The following RFTN1 variants were observed in gnomAD, a reference collection of about 807,000 sequenced individuals.
RFTN1 encodes the protein raftlin.
Under a neutral mutation model 46.5 loss-of-function variants are expected in RFTN1, and 26 were observed. The observed-to-expected ratio is 0.56, with a 90% CI of 0.41 to 0.78. The LOEUF (loss-of-function observed/expected upper bound fraction) is 0.78, where lower values mean the gene tolerates loss of function less well. Ranked by LOEUF, RFTN1 falls within the 30% of genes least tolerant of loss-of-function variation. The pLI is 0.00. For synonymous variants in RFTN1, 261 were observed against 284.2 expected, an observed-to-expected ratio of 0.92 and a Z score of 0.82; for missense variants, 693 against 718.7, an observed-to-expected ratio of 0.96 and a Z score of 0.41.
rs140665714 is a variant in RFTN1, at chr3:16,496,757, C to A, written c.-8-2880G>T. ...ACCAACAGAAATGTGTACATATGGGCATCGAAAGACACGTATGAGAAAGCT... is the reference window on the plus strand; with the variant it reads ...ACCAACAGAAATGTGTACATATGGGAATCGAAAGACACGTATGAGAAAGCT... On this transcript the variant is annotated intron_variant, in intron 1 of 9. Transcript: ENST00000334133. Among the ~76,000 whole-genome samples the A allele has an allele frequency of 6.3e-4, 96 of 152,236 alleles. No homozygotes were observed. In the East Asian group the frequency reaches 0.017, roughly 27 times the overall value.
intron 4 of RFTN1, among the ~76,000 whole-genome samples, chr3:16,379,709 CAA>C (rs761408967): frequency 4.6e-5 from 7 of 151,942 alleles, no homozygotes; most frequent in Non-Finnish European, 7.4e-5. Flanking sequence ...TTAAAAAAAA[CAA>C]AAGACAAAAA....
chr3:16,473,195 C>T lies in RFTN1; in HGVS notation c.145+20530G>A, dbSNP rs987379004. 3.9e-5 allele frequency among the ~76,000 whole-genome samples: 6 copies of T among 152,176 alleles called. No individual in the cohort carries two copies. The highest frequency in any genetic ancestry group is 2.1e-4 in the South Asian group (1 of 4,832). On this transcript the variant is annotated intron_variant, in intron 2 of 9. Coordinates refer to ENST00000334133, the MANE Select transcript of RFTN1 (RefSeq NM_015150.2). This position sits in a 1 kb window ranked among gnomAD's most constrained non-coding sequence, Gnocchi z 5.3. ...GTCTATTCCTTCAGCACAATTAGGTCAACACTGTTGACCACAGTATACCAC... is the reference window on the plus strand; with the variant it reads ...GTCTATTCCTTCAGCACAATTAGGTTAACACTGTTGACCACAGTATACCAC...
chr3:16,423,167 C>CAA (rs78850876), intron 3 of RFTN1, among the ~76,000 whole-genome samples: 11,291 of 136,114 alleles, frequency 0.083, 1,026 homozygotes, highest in African/African-American at 0.24. Flanking sequence ...GACTCTGTCT[C>CAA]AAAAAAAAAA....
At chr3:16,386,052 A>G (rs2074160928) in intron 4 of RFTN1, among the ~76,000 whole-genome samples, 1 of 152,274 alleles carries the variant, frequency 6.6e-6, no homozygotes, top group Admixed American at 6.5e-5. Context: ...AAGCATTTAA[A>G]GAGACTTTCG....
chr3:16,422,530 C>A lies in RFTN1; in HGVS notation c.332+11321G>T, dbSNP rs945072396. On this transcript the variant is annotated intron_variant, in intron 3 of 9. Transcript: ENST00000334133. This position sits in a 1 kb window ranked among gnomAD's most constrained non-coding sequence, Gnocchi z 4.6. ...CCTGTAATCCCAGCTACTCAGGAGG[C>A]TGAGGCAGGAGAATCACTTGAACCC... is the stretch of plus-strand genomic sequence containing the variant. 6.6e-6 allele frequency among the ~76,000 whole-genome samples: 1 copy of A among 152,046 alleles called. No individual in the cohort carries two copies. The highest frequency in any genetic ancestry group is 2.1e-4 in the South Asian group (1 of 4,810).
chr3:16,411,018 G>A (rs1195442916), intron 3 of RFTN1, among the ~76,000 whole-genome samples: 1 of 152,172 alleles, frequency 6.6e-6, no homozygotes, highest in Non-Finnish European at 1.5e-5. Flanking sequence ...TGGTGGTATT[G>A]GGGAGTGGGA....
At chr3:16,491,393 G>A (rs1428086769) in intron 2 of RFTN1, among the ~76,000 whole-genome samples, 1 of 152,248 alleles carries the variant, frequency 6.6e-6, no homozygotes, top group Non-Finnish European at 1.5e-5. Flanking sequence ...GCAGCCACAG[G>A]AGAGCTCTGA....
chr3:16,490,110 A>G (rs562225607), intron 2 of RFTN1, among the ~76,000 whole-genome samples: 1 of 152,348 alleles, frequency 6.6e-6, no homozygotes, highest in East Asian at 1.9e-4. Flanking sequence ...GGACCCGACT[A>G]TGCAAGACAG....
chr3:16,395,557 C>A (rs1425803840), intron 4 of RFTN1, among the ~76,000 whole-genome samples: 1 of 151,994 alleles, frequency 6.6e-6, no homozygotes, highest in African/African-American at 2.4e-5. Context: ...GAGATCCACC[C>A]CCCTCGGCCT....
intron 5 of RFTN1, among the ~76,000 whole-genome samples, chr3:16,371,677 A>G (rs149047502): frequency 2.0e-5 from 3 of 152,326 alleles, no homozygotes; most frequent in Non-Finnish European, 4.4e-5. Context: ...TTTCCATCCA[A>G]TAGAACAATT....
chr3:16,353,047 G>A lies in RFTN1; in HGVS notation c.1146+4885C>T, dbSNP rs1305403858. 1.3e-5 allele frequency among the ~76,000 whole-genome samples: 2 copies of A among 152,180 alleles called. No individual in the cohort carries two copies. Among genetic ancestry groups the A allele is most frequent in the Non-Finnish European group, 2.9e-5 (2 of 68,022 alleles). On this transcript the variant is annotated intron_variant, in intron 7 of 9. Transcript: ENST00000334133. This position sits in a 1 kb window ranked among gnomAD's most constrained non-coding sequence, Gnocchi z 5.4. ...AGCTGAGGGATCAGCACAGGAGGAGGAAAGAGGCAGGAAAGGGACAGACCA... is the reference window on the plus strand; with the variant it reads ...AGCTGAGGGATCAGCACAGGAGGAGAAAAGAGGCAGGAAAGGGACAGACCA...
At position 16,383,310 on chromosome 3, in the gene RFTN1, C is replaced by T. The variant is rs564111865; in HGVS notation, c.442-5208G>A. 6.6e-6 allele frequency among the ~76,000 whole-genome samples: 1 copy of T among 152,290 alleles called. No homozygotes were observed. The highest frequency in any genetic ancestry group is 2.1e-4 in the South Asian group (1 of 4,830). On this transcript the variant is annotated intron_variant, in intron 4 of 9. Transcript: ENST00000334133. This position sits in a 1 kb window ranked among gnomAD's most constrained non-coding sequence, Gnocchi z 4.0. ...CATTTCTGCTGCCTGTAAGAACCCA[C>T]CTGCCCCAAATACTTAAAGAGTAAC...
rs10563071 is a variant in RFTN1 at position 16,357,114 on chromosome 3, C to CAA, written c.1146+816_1146+817dup. ...TGGGCGACAGAGCAAGATGCCATCTCAAAAAAAAAAAAAACAAAAAAACAA... is the reference window on the plus strand; with the variant it reads ...TGGGCGACAGAGCAAGATGCCATCTCAAAAAAAAAAAAAAAACAAAAAAACAA... On this transcript the variant is annotated intron_variant, in intron 7 of 9. Transcript: ENST00000334133. Among the ~76,000 whole-genome samples the CAA allele has an allele frequency of 5.0e-3, 671 of 133,552 alleles. 2 individuals carry two copies. The highest frequency in any genetic ancestry group is 0.013 in the African/African-American group (468 of 36,354). 87.6% of individuals were successfully genotyped at this position (133,552 alleles called of 152,430 possible). A position where few individuals can be genotyped will look rare whatever the true frequency, so the allele number is the denominator to read the frequency against.
At chr3:16,318,102 G>A (rs988450823) in intron 9 of RFTN1, among the ~76,000 whole-genome samples, 4 of 152,116 alleles carry the variant, frequency 2.6e-5, no homozygotes, top group African/African-American at 4.8e-5. Context: ...AAGGTCACGC[G>A]GCCAGTAATA....
In RFTN1 at chr3:16,465,058, G is replaced by A. The variant is rs1471158110; in HGVS notation, c.145+28667C>T. On this transcript the variant is annotated intron_variant, in intron 2 of 9. Coordinates refer to ENST00000334133, the MANE Select transcript of RFTN1 (RefSeq NM_015150.2). This position sits in a 1 kb window ranked among gnomAD's most constrained non-coding sequence, Gnocchi z 5.1. The stretch of plus-strand genomic sequence containing the variant: ...AACAAGGAGAGAGACAGAGGGGAAT[G>A]AGTCTGAAGCAGACAGTCCCAGTAA... 1.3e-5 allele frequency among the ~76,000 whole-genome samples: 2 copies of A among 152,148 alleles called. No individual in the cohort carries two copies. The highest frequency in any genetic ancestry group is 4.8e-5 in the African/African-American group (2 of 41,422).
chr3:16,363,029 C>T (rs1185120829), intron 6 of RFTN1, among the ~76,000 whole-genome samples: 1 of 152,208 alleles, frequency 6.6e-6, no homozygotes, highest in Non-Finnish European at 1.5e-5. Context: ...GCCTGCCTCC[C>T]AGCCTCCCCA....
At chr3:16,455,495 C>CA (rs2075890414) in intron 2 of RFTN1, among the ~76,000 whole-genome samples, 1 of 152,140 alleles carries the variant, frequency 6.6e-6, no homozygotes, top group African/African-American at 2.4e-5. Flanking sequence ...CTAGTCCTGA[C>CA]AGATGAAAAC....
chr3:16,417,949 C>A (rs922460173), intron 3 of RFTN1, among the ~76,000 whole-genome samples: 3 of 152,138 alleles, frequency 2.0e-5, no homozygotes, highest in South Asian at 2.1e-4. Context: ...CTCAAGTGAA[C>A]CTCCAGCTCG....
intron 6 of RFTN1, among the ~76,000 whole-genome samples, chr3:16,364,440 A>G (rs1183243284): frequency 6.6e-6 from 1 of 152,212 alleles, no homozygotes; most frequent in Non-Finnish European, 1.5e-5. Context: ...ACATTGAGCT[A>G]CTACTATGGT....
Sources: allele counts gnomAD v4.1 joint callset (sites outside exome capture counted in the v4.1 genomes callset), GRCh38; gene constraint gnomAD v4.1.1; non-coding constraint Gnocchi (gnomAD v3.1); transcripts MANE v1.5; gene names NCBI Gene and HGNC (gene_info 2026-07-23, HGNC 2026-07-21).